The following GOLGB1 variants were observed in gnomAD, a reference collection of about 807,000 sequenced individuals.
GOLGB1 encodes the protein golgin subfamily B member 1.
In GOLGB1, 174 loss-of-function variants were observed where a neutral mutation model predicts 336.9. That is an observed-to-expected ratio of 0.52 (90% CI 0.46 to 0.59). The LOEUF (loss-of-function observed/expected upper bound fraction) is 0.59. GOLGB1 is among the 20% of genes least tolerant of loss of function. The probability of loss-of-function intolerance (pLI) is 0.00; values close to 1 mark genes in which losing one functional copy is unlikely to be tolerated. For missense variants in GOLGB1, 3,331 were observed against 3,645.3 expected (o/e 0.91, Z 2.22); for synonymous variants, 1,208 against 1,289.2 (o/e 0.94, Z 1.35).
At position 121,673,269 on chromosome 3, in the gene GOLGB1, A is replaced by G. The variant is rs142022455; in HGVS notation, c.9177+3624T>C. ...TTTTTAGTAGAGACGGGGTTTCACC[A>G]TGTTGGCCAGGATGGTCTCGAACTC... On this transcript the variant is annotated intron_variant, in intron 17 of 21. Coordinates refer to ENST00000614479, the MANE Select transcript of GOLGB1 (RefSeq NM_001366282.2). 3.8e-3 allele frequency among the ~76,000 whole-genome samples: 581 copies of G among 152,064 alleles called. 3 individuals are homozygous for G. The highest frequency in any genetic ancestry group is 0.021 in the East Asian group (108 of 5,176).
At chr3:121,666,489 G>A (rs530784795) in intron 20 of GOLGB1, among the ~76,000 whole-genome samples, 24 of 152,288 alleles carry the variant, frequency 1.6e-4, no homozygotes, top group African/African-American at 5.1e-4. Flanking sequence ...GCTCGGCAGA[G>A]ATGGCAAGAC....
rs149810948 is a variant in GOLGB1 at position 121,676,948 on chromosome 3, T to C, written c.9122A>G (p.Asp3041Gly). The C allele has an allele frequency of 7.4e-5, 120 of 1,613,584 alleles. No homozygotes were observed. The highest frequency in any genetic ancestry group is 1.8e-4 in the Admixed American group (11 of 60,006). Residue 3041 changes from aspartate to glycine, a missense_variant, in exon 17 of 22, where the codon GAC becomes GGC. By Grantham distance (94) the Asp-to-Gly change is moderately conservative (BLOSUM62 -1). Coordinates refer to ENST00000614479, the MANE Select transcript of GOLGB1 (RefSeq NM_001366282.2). ...ETELLRTQLNDSLKEIHQKEL... is the reference protein window; with the variant it reads ...ETELLRTQLNGSLKEIHQKEL... ...CTTTTGGTGAATTTCCTTTAAGCTGTCATTGAGCTGGGTCCTGAGAAGTTC... is the reference window on the plus strand; with the variant it reads ...CTTTTGGTGAATTTCCTTTAAGCTGCCATTGAGCTGGGTCCTGAGAAGTTC...
chr3:121,665,855 C>T (rs1938538078), intron 20 of GOLGB1, among the ~76,000 whole-genome samples: 2 of 152,238 alleles, frequency 1.3e-5, no homozygotes, highest in African/African-American at 2.4e-5. Flanking sequence ...CTCTGCAGGA[C>T]ACATTCTTTT....
Position 121,669,212 on chromosome 3 carries a change from C to A in GOLGB1, c.9321G>T (p.Ala3107=), listed in dbSNP as rs774656332. 11 of 1,613,272 alleles carry A rather than the reference C, an allele frequency of 6.8e-6. No individual in the cohort carries two copies. The highest frequency in any genetic ancestry group is 8.5e-6 in the Non-Finnish European group (10 of 1,179,878). Residue 3107 remains alanine, a splice_region_variant and synonymous_variant, in exon 18 of 22, where the codon GCG becomes GCT. Coordinates refer to ENST00000614479, the MANE Select transcript of GOLGB1 (RefSeq NM_001366282.2). ...AGTCTCTCACCTTCTCTTTACTCACCGCCTGCAGCTCTTGAACCTGCTTCT... is the reference window on the plus strand; with the variant it reads ...AGTCTCTCACCTTCTCTTTACTCACAGCCTGCAGCTCTTGAACCTGCTTCT... ...VLEKQVQELQ[A]GPLNIDVAPG...
Position 121,718,370 on chromosome 3 carries a change from A to G in GOLGB1, c.885+18T>C, listed in dbSNP as rs760020782. The stretch of plus-strand genomic sequence containing the variant: ...TGAATACCCTCCAAGGCAGGAAGTA[A>G]AGATTAAAAGGCAGTACCTGGTTTC... On this transcript the variant is annotated intron_variant, in intron 8 of 21. Transcript: ENST00000614479. The G allele has an allele frequency of 4.1e-5, 62 of 1,509,646 alleles. No individual in the cohort carries two copies. The highest frequency in any genetic ancestry group is 1.6e-4 in the South Asian group (14 of 88,216). 93.5% of individuals were successfully genotyped at this position (1,509,646 alleles called of 1,614,324 possible). A position where few individuals can be genotyped will look rare whatever the true frequency, so the allele number is the denominator to read the frequency against.
At chr3:121,744,618 CA>C (rs200070177) in intron 1 of GOLGB1, among the ~76,000 whole-genome samples, 1,844 of 59,938 alleles carry the variant, frequency 0.031, 19 homozygotes, top group Middle Eastern at 0.073. Context: ...GACCTTGTCT[CA>C]AAAAAAAAAA....
rs567474406 is a variant in GOLGB1, at chr3:121,707,302, T to C, written c.1405-4707A>G. 7.4e-5 allele frequency among the ~76,000 whole-genome samples: 11 copies of C among 147,816 alleles called. No individual in the cohort carries two copies. In the South Asian group the frequency reaches 1.9e-3, roughly 26 times the overall value. ...ACCAGCAGACTTGCACACACATCCA[T>C]GTACACACAGACACAAAAATTAAAA... is the stretch of plus-strand genomic sequence containing the variant. On this transcript the variant is annotated intron_variant, in intron 10 of 21. Coordinates refer to ENST00000614479, the MANE Select transcript of GOLGB1 (RefSeq NM_001366282.2).
At chr3:121,688,348 A>G (rs1326624877) in intron 14 of GOLGB1, among the ~76,000 whole-genome samples, 1 of 152,014 alleles carries the variant, frequency 6.6e-6, no homozygotes, top group African/African-American at 2.4e-5. Context: ...GCCACGCCTG[A>G]CTGGTTTTCG....
intron 17 of GOLGB1, among the ~76,000 whole-genome samples, chr3:121,671,145 A>G (rs923558651): frequency 9.2e-5 from 14 of 152,216 alleles, no homozygotes; most frequent in African/African-American, 2.7e-4. Flanking sequence ...CAAACCTAAA[A>G]TATTGTCTGA....
rs1353885508 is a variant in GOLGB1, at chr3:121,691,386, TTC to T, written c.7976_7977del (p.Arg2659AsnfsTer21). The T allele has an allele frequency of 6.2e-7, 1 of 1,613,422 alleles. No homozygotes were observed. Among genetic ancestry groups the T allele is most frequent in the East Asian group, 2.2e-5 (1 of 44,886 alleles). Reference sequence around the variant, plus strand: ...ACCAATTCTTCTTCCAGTTCTGCAATTCTCTTTTGAGAGGAGGAAAACAAAGC... The same window carrying T: ...ACCAATTCTTCTTCCAGTTCTGCAATTCTTTTGAGAGGAGGAAAACAAAGC... ...LSALFSSSQK[R>X]IAELEEELVC... On this transcript the variant is annotated frameshift_variant, in exon 14 of 22. Transcript: ENST00000614479. LOFTEE classifies it high-confidence loss of function.
intron 9 of GOLGB1, 64 bp from the exon 10 acceptor site, chr3:121,715,040 C>A: frequency 1.1e-6 from 1 of 879,376 alleles, no homozygotes; most frequent in South Asian, 1.4e-5. Context: ...TTATTATTAT[C>A]TTCTAAAGAT....
Position 121,690,953 on chromosome 3 carries a change from C to A in GOLGB1, c.8411G>T (p.Ser2804Ile), listed in dbSNP as rs1234429008. Residue 2804 changes from serine to isoleucine, a missense_variant, in exon 14 of 22, where the codon AGC (serine) becomes ATC (isoleucine). Physicochemically the swap from Ser to Ile is moderately radical, Grantham distance 142. Coordinates refer to ENST00000614479, the MANE Select transcript of GOLGB1 (RefSeq NM_001366282.2). Reference sequence around the variant, plus strand: ...GTTAAGTTTCTCAAGGTGAGACAAGCTATTCTCCTCAGTGGAGTTCATTGA... The same window carrying A: ...GTTAAGTTTCTCAAGGTGAGACAAGATATTCTCCTCAGTGGAGTTCATTGA... ...AFSMNSTEEN[S>I]LSHLEKLNQQ... 6.2e-7 allele frequency: 1 copy of A among 1,614,084 alleles called. No individual in the cohort carries two copies. Among genetic ancestry groups the A allele is most frequent in the Non-Finnish European group, 8.5e-7 (1 of 1,180,034 alleles).
At chr3:121,668,921 A>G (rs1207641013) in intron 18 of GOLGB1, among the ~76,000 whole-genome samples, 1 of 152,190 alleles carries the variant, frequency 6.6e-6, no homozygotes. Context: ...CTTATAACTT[A>G]AAGCAAAATC....
rs761256509 is a variant in GOLGB1, at chr3:121,691,949, G to C, written c.7415C>G (p.Ser2472Cys). 6.2e-6 allele frequency: 10 copies of C among 1,614,134 alleles called. No homozygotes were observed. The highest frequency in any genetic ancestry group is 8.5e-6 in the Non-Finnish European group (10 of 1,179,976). The change falls in exon 14 of 22, where the codon TCT becomes TGT. Residue 2472 changes from serine to cysteine, a missense_variant. Physicochemically the swap from Ser to Cys is moderately radical, Grantham distance 112. Transcript: ENST00000614479. ...AQLDSFVKSMSSLQNDRDRIV... is the reference protein window; with the variant it reads ...AQLDSFVKSMCSLQNDRDRIV... ...GCGGTCTCGATCATTTTGGAGAGAAGACATGGATTTAACAAAGGAATCCAA... is the reference window on the plus strand; with the variant it reads ...GCGGTCTCGATCATTTTGGAGAGAACACATGGATTTAACAAAGGAATCCAA...
intron 17 of GOLGB1, among the ~76,000 whole-genome samples, chr3:121,674,626 T>C (rs1164002299): frequency 6.6e-6 from 1 of 152,180 alleles, no homozygotes. Context: ...GAACAATCTA[T>C]GCTGACAGCC....
rs775809064 is a variant in GOLGB1 at position 121,730,865 on chromosome 3, G to A, written c.96+11C>T. On this transcript the variant is annotated intron_variant, in intron 2 of 21. Coordinates refer to ENST00000614479, the MANE Select transcript of GOLGB1 (RefSeq NM_001366282.2). The stretch of plus-strand genomic sequence containing the variant: ...TGTCTTACCAGTTTAAATCAGAACA[G>A]AACTACTCACAGGGTCTAGGGGAGC... 7 of 1,607,470 alleles carry A rather than the reference G, an allele frequency of 4.4e-6. No individual in the cohort carries two copies. Among genetic ancestry groups the A allele is most frequent in the Non-Finnish European group, 5.9e-6 (7 of 1,177,106 alleles).
intron 5 of GOLGB1, among the ~76,000 whole-genome samples, chr3:121,723,754 G>A (rs547723193): frequency 3.3e-5 from 5 of 152,102 alleles, no homozygotes; most frequent in South Asian, 2.1e-4. Flanking sequence ...TCAGAAATCC[G>A]GCTCCCATAT....
intron 17 of GOLGB1, among the ~76,000 whole-genome samples, chr3:121,670,757 G>GT (rs1028085663): frequency 7.3e-5 from 10 of 136,204 alleles, no homozygotes; most frequent in African/African-American, 1.5e-4. Context: ...TTTTCTTTTG[G>GT]GGGGGGGGGT....
chr3:121,674,346 A>T (rs1037931854), intron 17 of GOLGB1, among the ~76,000 whole-genome samples: 3 of 152,122 alleles, frequency 2.0e-5, no homozygotes, highest in Non-Finnish European at 2.9e-5. Flanking sequence ...ATCTTAGAGG[A>T]AAGGCCTTCA....
Sources: allele counts gnomAD v4.1 joint callset (sites outside exome capture counted in the v4.1 genomes callset), GRCh38; gene constraint gnomAD v4.1.1; transcripts MANE v1.5; gene names NCBI Gene and HGNC (gene_info 2026-07-23, HGNC 2026-07-21).